RUSF1: variants seen among roughly 807,000 people sequenced by gnomAD.
RUSF1 encodes the protein RUS family member 1.
Under a neutral mutation model 63.0 loss-of-function variants are expected in RUSF1, and 58 were observed. That is an observed-to-expected ratio of 0.92 (90% CI 0.75 to 1.15). The LOEUF (loss-of-function observed/expected upper bound fraction) is 1.15, where lower values mean the gene tolerates loss of function less well. Ranked by LOEUF, RUSF1 falls within the 50% of genes most tolerant of loss-of-function variation. The probability of loss-of-function intolerance (pLI) is 0.00; values close to 1 mark genes in which losing one functional copy is unlikely to be tolerated. For missense variants in RUSF1, 652 were observed against 611.0 expected (o/e 1.07, Z -0.71); for synonymous variants, 274 against 255.8 (o/e 1.07, Z -0.68).
rs2082546829 is a variant in RUSF1, at chr16:31,489,986, T to G, written c.*849A>C. On this transcript the variant is annotated 3_prime_UTR_variant, in exon 13 of 13. Coordinates refer to ENST00000327237, the MANE Select transcript of RUSF1 (RefSeq NM_022744.4). ...TGGCATGAGTTAAGCCTGGGCTGGG[T>G]GTGTAGACTGGACAGAGGTGGGTAG... is the stretch of plus-strand genomic sequence containing the variant. 10 of 1,352,432 alleles carry G rather than the reference T, an allele frequency of 7.4e-6. No homozygotes were observed. In the East Asian group the frequency reaches 2.5e-4, roughly 33 times the overall value. The allele number at this position is 1,352,432 out of a possible 1,614,324, so 83.8% of individuals were successfully genotyped here.
Position 31,490,556 on chromosome 16 carries a change from A to C in RUSF1, c.*279T>G. On this transcript the variant is annotated 3_prime_UTR_variant, in exon 13 of 13. Coordinates refer to ENST00000327237, the MANE Select transcript of RUSF1 (RefSeq NM_022744.4). ...CCTAAGACCAACTGCGTTGGACACCATAAGCCACAGCCTCACAGGAAGTGG... is the reference window on the plus strand; with the variant it reads ...CCTAAGACCAACTGCGTTGGACACCCTAAGCCACAGCCTCACAGGAAGTGG... 6.3e-7 allele frequency: 1 copy of C among 1,576,318 alleles called. No individual in the cohort carries two copies. Among genetic ancestry groups the C allele is most frequent in the South Asian group, 1.1e-5 (1 of 88,448 alleles).
chr16:31,508,365 G>C lies in RUSF1; in HGVS notation c.9C>G (p.Asp3Glu), dbSNP rs889769812. 2.0e-6 allele frequency: 3 copies of C among 1,514,754 alleles called. No homozygotes were observed. Among genetic ancestry groups the C allele is most frequent in the East Asian group, 2.5e-5 (1 of 40,500 alleles). The allele number at this position is 1,514,754 out of a possible 1,614,324, so 93.8% of individuals were successfully genotyped here. The change falls in exon 1 of 13, where the codon GAC becomes GAG. Residue 3 changes from aspartate (D) to glutamate (E), a missense_variant. Coordinates refer to ENST00000327237, the MANE Select transcript of RUSF1 (RefSeq NM_022744.4). The part of the protein sequence containing the change: MA[D>E]DAGLETPLCS... ...ACAGCGGGGTCTCCAAACCCGCGTC[G>C]TCAGCCATGCCGAGCTTTTGGATCC...
At chr16:31,492,845 A>G (rs2082579721) in intron 10 of RUSF1, 133 bp downstream of exon 10, 4 of 791,216 alleles carry the variant, frequency 5.1e-6, no homozygotes, top group Non-Finnish European at 8.0e-6. Context: ...TTGCAGCTGT[A>G]ATTTGAACGG....
At chr16:31,493,417 G>C (rs1162943398) in intron 9 of RUSF1, 50 bp downstream of exon 9, 3 of 1,550,274 alleles carry the variant, frequency 1.9e-6, no homozygotes, top group Non-Finnish European at 2.6e-6. Context: ...ATCGGAGTGA[G>C]GGGAGTGTGG....
chr16:31,501,272 G>A (rs1424033467), intron 2 of RUSF1, among the ~76,000 whole-genome samples: 1 of 151,700 alleles, frequency 6.6e-6, no homozygotes, highest in Non-Finnish European at 1.5e-5. Context: ...GCTCACAGAT[G>A]GCTATTATGG....
At chr16:31,499,668 G>T in intron 3 of RUSF1, 143 bp from the exon 4 acceptor site, 1 of 731,742 alleles carries the variant, frequency 1.4e-6, no homozygotes, top group Non-Finnish European at 2.2e-6. Flanking sequence ...CCCACAGCCG[G>T]TCACTGCTAC....
Position 31,492,193 on chromosome 16 carries a change from T to G in RUSF1, c.1231+4A>C, listed in dbSNP as rs758155694. ...ATCAGCAGTCTAAATCTTGAGGCAC[T>G]TACCTGCCCGCACCCGGTTCCTCAG... On this transcript the variant is annotated splice_donor_region_variant and intron_variant, in intron 11 of 12. Transcript: ENST00000327237. The G allele has an allele frequency of 4.3e-6, 7 of 1,609,856 alleles. No homozygotes were observed. The highest frequency in any genetic ancestry group is 5.1e-6 in the Non-Finnish European group (6 of 1,177,214).
At chr16:31,499,238 A>C in intron 5 of RUSF1, 64 bp downstream of exon 5, 1 of 1,402,932 alleles carries the variant, frequency 7.1e-7, no homozygotes, top group Non-Finnish European at 1.0e-6. Context: ...CACAGAGCCC[A>C]GGTAAACTCA....
intron 2 of RUSF1, among the ~76,000 whole-genome samples, chr16:31,504,500 C>T (rs1417990593): frequency 6.6e-6 from 1 of 152,128 alleles, no homozygotes; most frequent in Non-Finnish European, 1.5e-5. Context: ...AGCATCTGAC[C>T]TCAACTGATC....
At chr16:31,495,648 T>C (rs866940813) in intron 6 of RUSF1, among the ~76,000 whole-genome samples, 25 of 152,126 alleles carry the variant, frequency 1.6e-4, no homozygotes, top group African/African-American at 5.8e-4. Context: ...ACCTGTGCTG[T>C]GCTTCCTGCT....
At position 31,490,938 on chromosome 16, in the gene RUSF1, G is replaced by A. The variant is rs1432903722; in HGVS notation, c.1310-6C>T. ...CCAGCCGGCATCCTGCAGTCCTGGG[G>A]AGAGATCATGGGGTGCTGCCGGGAA... On this transcript the variant is annotated splice_region_variant and splice_polypyrimidine_tract_variant and intron_variant, in intron 12 of 12. Coordinates refer to ENST00000327237, the MANE Select transcript of RUSF1 (RefSeq NM_022744.4). 2 of 1,613,794 alleles carry A rather than the reference G, an allele frequency of 1.2e-6. No individual in the cohort carries two copies. Among genetic ancestry groups the A allele is most frequent in the Non-Finnish European group, 1.7e-6 (2 of 1,179,908 alleles).
At position 31,508,362 on chromosome 16, in the gene RUSF1, G is replaced by C. The variant is rs1394795763; in HGVS notation, c.12C>G (p.Asp4Glu). 4 of 1,517,052 alleles carry C rather than the reference G, an allele frequency of 2.6e-6. No homozygotes were observed. Among genetic ancestry groups the C allele is most frequent in the African/African-American group, 1.4e-5 (1 of 70,736 alleles). The allele number at this position is 1,517,052 out of a possible 1,614,324, so 94.0% of individuals were successfully genotyped here. Residue 4 changes from aspartate to glutamate, a missense_variant, in exon 1 of 13, where the codon GAC becomes GAG. Asp to Glu is a conservative substitution (Grantham distance 45). Transcript: ENST00000327237. ...AACACAGCGGGGTCTCCAAACCCGCGTCGTCAGCCATGCCGAGCTTTTGGA... is the reference window on the plus strand; with the variant it reads ...AACACAGCGGGGTCTCCAAACCCGCCTCGTCAGCCATGCCGAGCTTTTGGA... MAD[D>E]AGLETPLCSE...
At chr16:31,500,125 A>G (rs1425301761) in intron 3 of RUSF1, among the ~76,000 whole-genome samples, 2 of 152,130 alleles carry the variant, frequency 1.3e-5, no homozygotes, top group Non-Finnish European at 2.9e-5. Context: ...AACACTTGGA[A>G]ACAACTTCTC....
chr16:31,497,081 G>T, intron 5 of RUSF1, 131 bp from the exon 6 acceptor site: 1 of 681,138 alleles, frequency 1.5e-6, no homozygotes, highest in South Asian at 1.9e-5. Context: ...TTCTCACCTT[G>T]ATGCCCCCTA....
Position 31,490,255 on chromosome 16 carries a change from G to C in RUSF1, c.*580C>G, listed in dbSNP as rs1478184130. Reference sequence around the variant, plus strand: ...GGTAGGGCACCATGCTGGGAGGTGGGGCTGGAGGAGCTGAGTTCCCGCAAA... The same window carrying C: ...GGTAGGGCACCATGCTGGGAGGTGGCGCTGGAGGAGCTGAGTTCCCGCAAA... On this transcript the variant is annotated 3_prime_UTR_variant, in exon 13 of 13. Transcript: ENST00000327237. The C allele has an allele frequency of 1.2e-6, 2 of 1,614,048 alleles. No homozygotes were observed. Among genetic ancestry groups the C allele is most frequent in the South Asian group, 2.2e-5 (2 of 91,084 alleles).
chr16:31,500,835 T>G (rs1482910124), intron 2 of RUSF1, 104 bp from the exon 3 acceptor site: 6 of 1,252,504 alleles, frequency 4.8e-6, no homozygotes, highest in Admixed American at 4.9e-5. Context: ...GTCACTGCCT[T>G]TGGGAACTCG....
chr16:31,490,130 G>A lies in RUSF1; in HGVS notation c.*705C>T, dbSNP rs147697689. 9.0e-4 allele frequency: 1,451 copies of A among 1,614,076 alleles called. 1 individual carries two copies. The highest frequency in any genetic ancestry group is 1.1e-3 in the Non-Finnish European group (1,348 of 1,180,024). On this transcript the variant is annotated 3_prime_UTR_variant, in exon 13 of 13. Coordinates refer to ENST00000327237, the MANE Select transcript of RUSF1 (RefSeq NM_022744.4). ...TCCACCGCCTGGTCTTCAGTCTCCG[G>A]CATAGCAAGGAGGAACGGGAGGACC...
chr16:31,496,869 A>T lies in RUSF1; in HGVS notation c.682T>A (p.Ser228Thr). ...CTCACCTGGCTGCTGTCCTTGGCTG[A>T]CACGTCAGCCATGTTGTTCCTCCGA... The part of the protein sequence containing the change: ...QARRNNMADV[S>T]AKDSSQETLV... Residue 228 changes from serine to threonine, a missense_variant, in exon 6 of 13, where the codon TCA becomes ACA. By Grantham distance (58) the Ser-to-Thr change is moderately conservative. Coordinates refer to ENST00000327237, the MANE Select transcript of RUSF1 (RefSeq NM_022744.4). The T allele has an allele frequency of 6.2e-7, 1 of 1,602,250 alleles. No homozygotes were observed. The highest frequency in any genetic ancestry group is 8.5e-7 in the Non-Finnish European group (1 of 1,174,956).
chr16:31,504,767 T>C lies in RUSF1; in HGVS notation c.415+2997A>G, dbSNP rs144076270. Among the ~76,000 whole-genome samples the C allele has an allele frequency of 6.3e-3, 955 of 152,312 alleles. 16 individuals are homozygous for C. The highest frequency in any genetic ancestry group is 0.022 in the African/African-American group (916 of 41,558). ...AAGAGGAGGACATAAGAAACTCCAT[T>C]TTGATCTGTACTAAGAAAATTGTTT... On this transcript the variant is annotated intron_variant, in intron 2 of 12. Transcript: ENST00000327237.
Sources: allele counts gnomAD v4.1 joint callset (sites outside exome capture counted in the v4.1 genomes callset), GRCh38; gene constraint gnomAD v4.1.1; transcripts MANE v1.5; gene names NCBI Gene and HGNC (gene_info 2026-07-23, HGNC 2026-07-21).